Variants in ARHGEF28 observed in about 807,000 individuals in gnomAD.
ARHGEF28 encodes the protein 190 kDa guanine nucleotide exchange factor.
In ARHGEF28, 152 loss-of-function variants were observed where a neutral mutation model predicts 206.6. That is an observed-to-expected ratio of 0.74 (90% CI 0.64 to 0.84). The LOEUF is 0.84. Ranked by LOEUF, ARHGEF28 falls within the 40% of genes least tolerant of loss-of-function variation. The probability of loss-of-function intolerance (pLI) is 0.00; values close to 1 mark genes in which losing one functional copy is unlikely to be tolerated. For missense variants in ARHGEF28, 2,028 were observed against 2,073.2 expected, an observed-to-expected ratio of 0.98 and a Z score of 0.42; for synonymous variants, 763 against 776.4, an observed-to-expected ratio of 0.98 and a Z score of 0.29.
intron 9 of ARHGEF28, among the ~76,000 whole-genome samples, chr5:73,802,870 CTG>C (rs561505395): frequency 0.48 from 57,818 of 120,666 alleles, 14,318 homozygotes; most frequent in Non-Finnish European, 0.58. Flanking sequence ...AGCTCGATTG[CTG>C]TGTGTGTGTG....
At chr5:73,731,849 C>T (rs1454150295) in intron 2 of ARHGEF28, among the ~76,000 whole-genome samples, 1 of 151,990 alleles carries the variant, frequency 6.6e-6, no homozygotes, top group African/African-American at 2.4e-5. Flanking sequence ...GCTGTTTTCT[C>T]CTAGCTCTTC....
At chr5:73,662,060 T>C (rs1037332199) in intron 1 of ARHGEF28, among the ~76,000 whole-genome samples, 139 of 152,322 alleles carry the variant, frequency 9.1e-4, no homozygotes, top group African/African-American at 3.1e-3. Flanking sequence ...ATGCCTGTAT[T>C]TGGTATGCAC....
intron 2 of ARHGEF28, among the ~76,000 whole-genome samples, chr5:73,722,767 G>A (rs1364455632): frequency 1.3e-5 from 2 of 152,092 alleles, no homozygotes; most frequent in African/African-American, 4.8e-5. Context: ...CAATGAAGAT[G>A]AAAAAGGCAA....
In ARHGEF28 at chr5:73,659,602, A is replaced by T. The variant is rs1437725806; in HGVS notation, c.-11-25239A>T. Among the ~76,000 whole-genome samples, 3 of 152,164 alleles carry T rather than the reference A, an allele frequency of 2.0e-5. No individual in the cohort carries two copies. The East Asian group carries it at 5.8e-4, about 29-fold the overall frequency. ...GTATGTTGGTAGTGGGGTTAAGATG[A>T]ACTAAAAGTTAGTCCTATTAATGTG... On this transcript the variant is annotated intron_variant, in intron 1 of 35. Coordinates refer to ENST00000513042, the MANE Select transcript of ARHGEF28 (RefSeq NM_001177693.2).
chr5:73,671,895 A>T (rs1049722386), intron 1 of ARHGEF28, among the ~76,000 whole-genome samples: 2 of 150,918 alleles, frequency 1.3e-5, no homozygotes, highest in Non-Finnish European at 3.0e-5. Context: ...AGCTGGGATT[A>T]CAGGCGTCTG....
intron 9 of ARHGEF28, among the ~76,000 whole-genome samples, chr5:73,812,869 A>G (rs1475997069): frequency 1.3e-5 from 2 of 152,228 alleles, no homozygotes; most frequent in Non-Finnish European, 2.9e-5. Context: ...TAATGAAATG[A>G]GTACAATCTA....
chr5:73,793,965 T>C (rs1382571540), intron 7 of ARHGEF28, among the ~76,000 whole-genome samples: 4 of 152,168 alleles, frequency 2.6e-5, no homozygotes, highest in Non-Finnish European at 4.4e-5. Context: ...CCAGACCTCT[T>C]ATATAATGAA....
At chr5:73,695,422 C>G (rs372447079) in intron 2 of ARHGEF28, among the ~76,000 whole-genome samples, 3 of 152,268 alleles carry the variant, frequency 2.0e-5, no homozygotes, top group African/African-American at 7.2e-5. Context: ...GAAAGACTCC[C>G]ACATGTGGGC....
intron 10 of ARHGEF28, among the ~76,000 whole-genome samples, chr5:73,839,584 G>A (rs993129696): frequency 9.9e-5 from 15 of 152,126 alleles, no homozygotes; most frequent in Non-Finnish European, 7.4e-5. Flanking sequence ...TCATGCATGT[G>A]GGTTGAGCTT....
At chr5:73,642,445 A>G (rs1214912587) in intron 1 of ARHGEF28, among the ~76,000 whole-genome samples, 1 of 152,200 alleles carries the variant, frequency 6.6e-6, no homozygotes, top group Non-Finnish European at 1.5e-5. Flanking sequence ...CAGACTAGAC[A>G]CAATAGTCTT....
At chr5:73,916,345 G>A (rs1763210575) in intron 35 of ARHGEF28, among the ~76,000 whole-genome samples, 1 of 152,218 alleles carries the variant, frequency 6.6e-6, no homozygotes, top group African/African-American at 2.4e-5. Context: ...TATGATGTGA[G>A]TGTATTTGAA....
At chr5:73,756,008 A>G (rs1020063368) in intron 4 of ARHGEF28, among the ~76,000 whole-genome samples, 2 of 152,180 alleles carry the variant, frequency 1.3e-5, no homozygotes, top group Non-Finnish European at 2.9e-5. Flanking sequence ...CTAGTGTCCT[A>G]GTTGTTAAGA....
Position 73,870,074 on chromosome 5 carries a change from G to A in ARHGEF28, c.2431G>A (p.Val811Met). The change falls in exon 21 of 36, where the codon GTG becomes ATG. Residue 811 changes from valine to methionine, a missense_variant. Val to Met is a conservative substitution (Grantham distance 21). Transcript: ENST00000513042. ...STESFIMEDV[V>M]DSSLWSDLSS... ...CTTTTCTAAACACACATTAGATGTTGTGGATTCTTCTCTGTGGAGTGACCT... is the reference window on the plus strand; with the variant it reads ...CTTTTCTAAACACACATTAGATGTTATGGATTCTTCTCTGTGGAGTGACCT... 1 of 1,612,694 alleles carries A rather than the reference G, an allele frequency of 6.2e-7. No individual in the cohort carries two copies. Among genetic ancestry groups the A allele is most frequent in the Non-Finnish European group, 8.5e-7 (1 of 1,179,544 alleles).
At chr5:73,821,459 C>T (rs1264952340) in intron 9 of ARHGEF28, among the ~76,000 whole-genome samples, 1 of 152,112 alleles carries the variant, frequency 6.6e-6, no homozygotes, top group African/African-American at 2.4e-5. Context: ...TAGAGCTCCT[C>T]ATGAATTTGA....
chr5:73,696,979 G>A (rs1012767809), intron 2 of ARHGEF28, among the ~76,000 whole-genome samples: 2 of 152,218 alleles, frequency 1.3e-5, no homozygotes, highest in African/African-American at 4.8e-5. Flanking sequence ...AGATGGTCCA[G>A]CAGGAAGGTG....
intron 2 of ARHGEF28, among the ~76,000 whole-genome samples, chr5:73,689,626 TATA>T (rs775668750): frequency 4.6e-5 from 7 of 152,232 alleles, no homozygotes; most frequent in African/African-American, 7.2e-5. Context: ...CCAAGAGCTT[TATA>T]ATATCACTTT....
rs1308242633 is a variant in ARHGEF28, at chr5:73,840,553, G to T, written c.1220G>T (p.Cys407Phe). The T allele has an allele frequency of 6.2e-7, 1 of 1,613,774 alleles. No individual in the cohort carries two copies. Among genetic ancestry groups the T allele is most frequent in the African/African-American group, 1.3e-5 (1 of 74,914 alleles). The change falls in exon 11 of 36, where the codon TGC becomes TTC. Residue 407 changes from cysteine to phenylalanine, a missense_variant. Transcript: ENST00000513042. ...TATTSPESRG[C>F]TLWPQSSKHT... ...ACTACCAGCCCTGAATCCAGAGGTT[G>T]CACTCTGTGGCCTCAGAGCAGCAAA...
intron 7 of ARHGEF28, among the ~76,000 whole-genome samples, chr5:73,792,405 T>A (rs1190421953): frequency 1.3e-5 from 2 of 152,208 alleles, no homozygotes; most frequent in African/African-American, 4.8e-5. Flanking sequence ...CAAACTTCAC[T>A]AACAGATGAG....
At chr5:73,662,090 C>T (rs2112192784) in intron 1 of ARHGEF28, among the ~76,000 whole-genome samples, 1 of 152,304 alleles carries the variant, frequency 6.6e-6, no homozygotes, top group South Asian at 2.1e-4. Flanking sequence ...TATCCTGTTG[C>T]TGCTAATGTT....
Sources: gnomAD v4.1 joint callset for allele counts (sites outside exome capture counted in the v4.1 genomes callset) on GRCh38, gnomAD v4.1.1 for gene constraint, MANE v1.5 for transcripts, NCBI Gene and HGNC (gene_info 2026-07-23, HGNC 2026-07-21) for gene names.